POU2F1: variants seen among roughly 807,000 people sequenced by gnomAD.
POU2F1 encodes the protein POU domain, class 2, transcription factor 1.
A neutral mutation model predicts 84.9 loss-of-function variants in POU2F1; 16 were observed. The ratio of observed to expected loss-of-function variants is 0.19; its 90% CI spans 0.13 to 0.29. The LOEUF is 0.29. Among genes scored for constraint, POU2F1 ranks in the 10% least tolerant of loss-of-function variants. The pLI, the probability that POU2F1 is intolerant of heterozygous loss-of-function variation, is 1.00. For synonymous variants in POU2F1, 368 were observed against 368.3 expected (o/e 1.00, Z 0.01); for missense variants, 738 against 942.6 (o/e 0.78, Z 2.84).
chr1:167,412,048 C>T lies in POU2F1; in HGVS notation c.1645C>T (p.Pro549Ser). ...SSAVTSPSLS[P>S]SPSASASTSE... is the part of the protein sequence containing the mutation. The stretch of plus-strand genomic sequence containing the variant: ...AGCAGTCACGTCCCCCTCTCTGAGT[C>T]CCTCCCCTTCTGCCTCAGCCTCCAC... The change falls in exon 14 of 16, where the codon CCC becomes TCC. Residue 549 changes from proline to serine, a missense_variant. Pro to Ser is a moderately conservative substitution (Grantham distance 74). Transcript: ENST00000367866. 4 of 1,614,182 alleles carry T rather than the reference C, an allele frequency of 2.5e-6. No homozygotes were observed. Among genetic ancestry groups the T allele is most frequent in the Non-Finnish European group, 2.5e-6 (3 of 1,180,020 alleles).
intron 1 of POU2F1, among the ~76,000 whole-genome samples, chr1:167,247,028 TTA>T (rs1553197565): frequency 9.5e-4 from 43 of 45,112 alleles, no homozygotes; most frequent in Non-Finnish European, 1.6e-3. Flanking sequence ...GTAAATCAGG[TTA>T]TATATATATG....
intron 2 of POU2F1, among the ~76,000 whole-genome samples, chr1:167,347,747 A>G (rs950974377): frequency 4.6e-5 from 7 of 151,964 alleles, no homozygotes; most frequent in Admixed American, 6.6e-5. Flanking sequence ...CTATAAATTT[A>G]CCTATTCTAG....
At chr1:167,281,055 T>G (rs1423583204) in intron 1 of POU2F1, among the ~76,000 whole-genome samples, 1 of 152,236 alleles carries the variant, frequency 6.6e-6, no homozygotes, top group Non-Finnish European at 1.5e-5. Context: ...CTTACAAGAT[T>G]ACATCCCCAT....
intron 1 of POU2F1, among the ~76,000 whole-genome samples, chr1:167,268,856 T>G (rs2102460710): frequency 6.6e-6 from 1 of 152,346 alleles, no homozygotes; most frequent in African/African-American, 2.4e-5. Flanking sequence ...CCAGAGATTT[T>G]ACTGTTGTTG....
chr1:167,308,088 A>T (rs1655207971), intron 1 of POU2F1, among the ~76,000 whole-genome samples: 1 of 149,134 alleles, frequency 6.7e-6, no homozygotes, highest in Non-Finnish European at 1.5e-5. Context: ...TTTTTTTTAG[A>T]CGGAGCCTTG....
At chr1:167,288,901 C>A (rs1310665306) in intron 1 of POU2F1, among the ~76,000 whole-genome samples, 1 of 152,076 alleles carries the variant, frequency 6.6e-6, no homozygotes, top group African/African-American at 2.4e-5. Flanking sequence ...ATTTGAGAAC[C>A]TGTGCTAATC....
At chr1:167,283,324 GAA>G (rs1415789698) in intron 1 of POU2F1, among the ~76,000 whole-genome samples, 2 of 151,888 alleles carry the variant, frequency 1.3e-5, no homozygotes, top group East Asian at 3.8e-4. Context: ...AAAAGAGGAA[GAA>G]GAGTATGGAC....
intron 2 of POU2F1, among the ~76,000 whole-genome samples, chr1:167,346,151 G>A (rs1658182567): frequency 2.0e-5 from 3 of 151,902 alleles, no homozygotes; most frequent in African/African-American, 7.3e-5. Flanking sequence ...CTCCAGCCTG[G>A]GTGACAGAGT....
intron 15 of POU2F1, 38 bp downstream of exon 15, chr1:167,413,152 CGTGTGTGTGAGTGTGT>C: frequency 6.8e-7 from 1 of 1,464,282 alleles, no homozygotes; most frequent in Non-Finnish European, 9.3e-7. Context: ...GTGGCATGCA[CGTGTGTGTGAGTGTGT>C]GTGTGTGTGT....
chr1:167,278,400 G>GT (rs1179319628), intron 1 of POU2F1, among the ~76,000 whole-genome samples: 1 of 152,170 alleles, frequency 6.6e-6, no homozygotes, highest in Non-Finnish European at 1.5e-5. Flanking sequence ...ACTCACTGCT[G>GT]TATCTCCAGC....
At chr1:167,285,573 A>G (rs1571228908) in intron 1 of POU2F1, among the ~76,000 whole-genome samples, 1 of 152,142 alleles carries the variant, frequency 6.6e-6, no homozygotes, top group East Asian at 1.9e-4. Context: ...AGCCTGGGTG[A>G]CAGACAGAGA....
intron 2 of POU2F1, among the ~76,000 whole-genome samples, chr1:167,341,479 T>C (rs1038714152): frequency 3.9e-5 from 6 of 152,194 alleles, no homozygotes; most frequent in Admixed American, 3.9e-4. Context: ...CTTGCTTTTT[T>C]CATTTGAATT....
chr1:167,247,034 ATATATGTG>A (rs1355352951), intron 1 of POU2F1, among the ~76,000 whole-genome samples: 11 of 37,546 alleles, frequency 2.9e-4, no homozygotes, highest in South Asian at 5.6e-3. Context: ...CAGGTTATAT[ATATATGTG>A]TGTGTGTGTG....
intron 1 of POU2F1, among the ~76,000 whole-genome samples, chr1:167,237,628 C>T (rs2102359345): frequency 6.6e-6 from 1 of 151,874 alleles, no homozygotes; most frequent in Middle Eastern, 3.4e-3. Flanking sequence ...TCTACAAATA[C>T]ATTATTTGGG....
Position 167,416,737 on chromosome 1 carries a change from C to A in POU2F1, c.*927C>A, listed in dbSNP as rs1365910845. On this transcript the variant is annotated 3_prime_UTR_variant, in exon 16 of 16. Transcript: ENST00000367866. ...GGAAGGAATTCCTGCTGAACTGTAG[C>A]TCTCACTCACCCCCAAATCATTGAA... is the stretch of plus-strand genomic sequence containing the variant. The A allele has an allele frequency of 6.6e-6, 1 of 152,422 alleles. No homozygotes were observed. Among genetic ancestry groups the A allele is most frequent in the African/African-American group, 2.4e-5 (1 of 41,458 alleles). The allele number at this position is 152,422 out of a possible 1,614,324, so 9.4% of individuals were successfully genotyped here. A position where few individuals can be genotyped will look rare whatever the true frequency, so the allele number is the denominator to read the frequency against.
chr1:167,338,025 T>A, intron 2 of POU2F1: 2 of 414,530 alleles, frequency 4.8e-6, no homozygotes, highest in South Asian at 3.6e-5. Flanking sequence ...GGAAGAAGGA[T>A]TGGTAGCATA....
intron 1 of POU2F1, among the ~76,000 whole-genome samples, chr1:167,276,016 G>C (rs1163380912): frequency 1.3e-5 from 2 of 152,174 alleles, no homozygotes; most frequent in Non-Finnish European, 2.9e-5. Flanking sequence ...GCTTATACTA[G>C]AAGACAACAG....
chr1:167,276,787 A>G (rs1403468098), intron 1 of POU2F1, among the ~76,000 whole-genome samples: 1 of 152,210 alleles, frequency 6.6e-6, no homozygotes, highest in Non-Finnish European at 1.5e-5. Flanking sequence ...TCATCAAATA[A>G]GGGTGGGAAA....
In POU2F1 at chr1:167,316,761, G is replaced by A. The variant is rs542116752; in HGVS notation, c.62-15709G>A. On this transcript the variant is annotated intron_variant, in intron 1 of 15. Coordinates refer to ENST00000367866, the MANE Select transcript of POU2F1 (RefSeq NM_002697.4). Reference sequence around the variant, plus strand: ...CCAGTATCAGAAATGAAATGGAACAGTTCAAAAAATGGATGGGAATAATCA... The same window carrying A: ...CCAGTATCAGAAATGAAATGGAACAATTCAAAAAATGGATGGGAATAATCA... 3.9e-5 allele frequency among the ~76,000 whole-genome samples: 6 copies of A among 152,196 alleles called. No individual in the cohort carries two copies. In the South Asian group the frequency reaches 1.0e-3, roughly 26 times the overall value.
Sources: gnomAD v4.1 joint callset for allele counts (sites outside exome capture counted in the v4.1 genomes callset) on GRCh38, gnomAD v4.1.1 for gene constraint, MANE v1.5 for transcripts, NCBI Gene and HGNC (gene_info 2026-07-23, HGNC 2026-07-21) for gene names.